Variants in SH2B1 observed in about 807,000 individuals in gnomAD.
SH2B1 encodes SH2B adapter protein 1.
Under a neutral mutation model 62.6 loss-of-function variants are expected in SH2B1, and 15 were observed. The observed-to-expected ratio is 0.24, with a 90% CI of 0.16 to 0.37. The LOEUF is 0.37. Among genes scored for constraint, SH2B1 ranks in the 10% least tolerant of loss-of-function variants. The pLI is 1.00. For missense variants in SH2B1, 925 were observed against 1,015.6 expected, an observed-to-expected ratio of 0.91 and a Z score of 1.21; for synonymous variants, 443 against 438.0, an observed-to-expected ratio of 1.01 and a Z score of -0.14.
At position 28,865,804 on chromosome 16, in the gene SH2B1, C is replaced by T. The variant is rs1311890856; in HGVS notation, c.-291C>T. 2.7e-5 allele frequency: 32 copies of T among 1,197,446 alleles called. No homozygotes were observed. The highest frequency in any genetic ancestry group is 6.7e-5 in the South Asian group (2 of 29,770). 74.2% of individuals were successfully genotyped at this position (1,197,446 alleles called of 1,614,324 possible). ...AAAGTGGGGGCAAATGTGGCAGGCT[C>T]GGGGCAGGTTAGACGCTGGGGAGCC... On this transcript the variant is annotated 5_prime_UTR_variant, in exon 1 of 8. Transcript: ENST00000684370.
At chr16:28,853,775 G>A (rs534364835) in intron 1 of SH2B1, among the ~76,000 whole-genome samples, 4 of 151,054 alleles carry the variant, frequency 2.6e-5, no homozygotes, top group South Asian at 2.1e-4. Flanking sequence ...CAAGGCGGGC[G>A]GATCACAAGG....
rs1014446275 is a variant in SH2B1, at chr16:28,874,028, A to G, written c.*208A>G. 2 of 427,412 alleles carry G rather than the reference A, an allele frequency of 4.7e-6. No individual in the cohort carries two copies. Among genetic ancestry groups the G allele is most frequent in the Admixed American group, 4.4e-5 (1 of 22,586 alleles). 26.5% of individuals were successfully genotyped at this position (427,412 alleles called of 1,614,324 possible). On this transcript the variant is annotated 3_prime_UTR_variant, in exon 8 of 8. Transcript: ENST00000684370. ...CCCCAGGGCAGGGGATTTGGGCTCC[A>G]TGAGCTCCTTGAGGGGCTCTTCTGG...
chr16:28,854,438 T>A (rs1412673923), intron 1 of SH2B1, among the ~76,000 whole-genome samples: 1 of 152,034 alleles, frequency 6.6e-6, no homozygotes, highest in African/African-American at 2.4e-5. Flanking sequence ...GTGAATTATA[T>A]CTCAATAAAG....
rs1962292005 is a variant in SH2B1, at chr16:28,855,208, A to G, written c.-300-6410A>G. On this transcript the variant is annotated intron_variant, in intron 1 of 10. Coordinates refer to the SH2B1 transcript ENST00000322610. ...GGCCCCCCACTTTCGTTTTGCAAAC[A>G]TTCCATGATTGTTTCTTTTTTTAAT... Among the ~76,000 whole-genome samples the G allele has an allele frequency of 2.0e-5, 3 of 151,048 alleles. No individual in the cohort carries two copies. The South Asian group carries it at 6.3e-4, about 32-fold the overall frequency.
At chr16:28,855,394 T>C (rs1327241865) in intron 1 of SH2B1, among the ~76,000 whole-genome samples, 1 of 151,592 alleles carries the variant, frequency 6.6e-6, no homozygotes, top group Non-Finnish European at 1.5e-5. Flanking sequence ...TAATTTTTTA[T>C]TTTTAGTAAA....
rs769174785 is a variant in SH2B1 at position 28,866,738 on chromosome 16, G to C, written c.644G>C (p.Ser215Thr). Residue 215 changes from serine to threonine, a missense_variant, in exon 1 of 8, where the codon AGT becomes ACT. Physicochemically the swap from Ser to Thr is moderately conservative, Grantham distance 58. Transcript: ENST00000684370. This position sits in a 1 kb window ranked among gnomAD's most constrained non-coding sequence, Gnocchi z 6.3. ...GGGACCGTTGGTAGGGGACTGGTCA[G>C]TGATGGAACGTCCCCTGGGGAAAGA... The part of the protein sequence containing the change: ...GAGTVGRGLV[S>T]DGTSPGERWT... The C allele has an allele frequency of 6.3e-7, 1 of 1,580,012 alleles. No homozygotes were observed. Among genetic ancestry groups the C allele is most frequent in the African/African-American group, 1.4e-5 (1 of 74,032 alleles).
chr16:28,874,030 G>T lies in SH2B1; in HGVS notation c.*210G>T. ...CCAGGGCAGGGGATTTGGGCTCCAT[G>T]AGCTCCTTGAGGGGCTCTTCTGGTC... is the stretch of plus-strand genomic sequence containing the variant. On this transcript the variant is annotated 3_prime_UTR_variant, in exon 8 of 8. Coordinates refer to ENST00000684370, the MANE Select transcript of SH2B1 (RefSeq NM_001387430.1). 2.4e-6 allele frequency: 1 copy of T among 422,590 alleles called. No individual in the cohort carries two copies. The highest frequency in any genetic ancestry group is 3.6e-5 in the East Asian group (1 of 27,714). 26.2% of individuals were successfully genotyped at this position (422,590 alleles called of 1,614,324 possible). A position where few individuals can be genotyped will look rare whatever the true frequency, so the allele number is the denominator to read the frequency against.
At chr16:28,852,455 T>A (rs1300531636) in intron 1 of SH2B1, among the ~76,000 whole-genome samples, 1 of 95,772 alleles carries the variant, frequency 1.0e-5, no homozygotes, top group Non-Finnish European at 1.8e-5. Context: ...TATTTACATA[T>A]ATATTTATAT....
rs777641657 is a variant in SH2B1 at position 28,866,440 on chromosome 16, C to G, written c.346C>G (p.Pro116Ala). Residue 116 changes from proline to alanine, a missense_variant, in exon 1 of 8, where the codon CCC (proline) becomes GCC (alanine). Physicochemically the swap from Pro to Ala is conservative, Grantham distance 27 (BLOSUM62 -1). Coordinates refer to ENST00000684370, the MANE Select transcript of SH2B1 (RefSeq NM_001387430.1). The surrounding 1 kb of genome is among the most constrained non-coding windows in gnomAD (Gnocchi z 6.3). The stretch of plus-strand genomic sequence containing the variant: ...CCTTGAGAGCTGCAGGGTGGGTGGG[C>G]CCCTGGCTGTGCTGGGCCCTTCTCG... Reference protein sequence around the residue: ...LSLESCRVGGPLAVLGPSRSS... With the variant: ...LSLESCRVGGALAVLGPSRSS... 27 of 1,613,798 alleles carry G rather than the reference C, an allele frequency of 1.7e-5. No individual in the cohort carries two copies. The highest frequency in any genetic ancestry group is 1.7e-5 in the Non-Finnish European group (20 of 1,180,016).
At chr16:28,867,568 A>C in intron 2 of SH2B1, 136 bp downstream of exon 2, 1 of 676,358 alleles carries the variant, frequency 1.5e-6, no homozygotes, top group South Asian at 1.7e-5. Context: ...CTGGGGCTGC[A>C]GCTTTTCTGG....
At position 28,873,912 on chromosome 16, in the gene SH2B1, C is replaced by A; in HGVS notation, c.*92C>A. The A allele has an allele frequency of 7.9e-7, 1 of 1,259,838 alleles. No homozygotes were observed. Among genetic ancestry groups the A allele is most frequent in the Non-Finnish European group, 1.0e-6 (1 of 980,858 alleles). 78.0% of individuals were successfully genotyped at this position (1,259,838 alleles called of 1,614,324 possible). The stretch of plus-strand genomic sequence containing the variant: ...GACAGAGGAGGCCGAAATCCCTCCC[C>A]CATGCTTCCTGACCCTTGTTGGCCA... On this transcript the variant is annotated 3_prime_UTR_variant, in exon 8 of 8. Transcript: ENST00000684370. This position sits in a 1 kb window ranked among gnomAD's most constrained non-coding sequence, Gnocchi z 4.2.
At chr16:28,850,808 G>A (rs1450603234) in intron 1 of SH2B1, among the ~76,000 whole-genome samples, 1 of 144,446 alleles carries the variant, frequency 6.9e-6, no homozygotes, top group Non-Finnish European at 1.5e-5. Context: ...GCAGTGAGCC[G>A]AGAGTGCGCC....
At chr16:28,867,117 T>C in intron 1 of SH2B1, 84 bp downstream of exon 1, 1 of 1,564,688 alleles carries the variant, frequency 6.4e-7, no homozygotes, top group Non-Finnish European at 8.7e-7. Flanking sequence ...AGCTCTGGGG[T>C]TTACCAGCCC....
In SH2B1 at chr16:28,872,917, CG is replaced by C. The variant is rs1297690386; in HGVS notation, c.1897+216del. 5 of 711,516 alleles carry C rather than the reference CG, an allele frequency of 7.0e-6. No homozygotes were observed. The highest frequency in any genetic ancestry group is 5.4e-5 in the East Asian group (2 of 37,036). The allele number at this position is 711,516 out of a possible 1,614,324, so 44.1% of individuals were successfully genotyped here. A position where few individuals can be genotyped will look rare whatever the true frequency, so the allele number is the denominator to read the frequency against. ...AAGGCAGAAGGCTCCTGGCCGGAGC[CG>C]GGGCGGCAGCTGAGAGGTGGGCGGG... On this transcript the variant is annotated intron_variant, in intron 7 of 7. Transcript: ENST00000684370. The surrounding 1 kb of genome is among the most constrained non-coding windows in gnomAD (Gnocchi z 5.3).
At chr16:28,852,723 TTTATATATATAC>T (rs1962178261) in intron 1 of SH2B1, among the ~76,000 whole-genome samples, 1 of 72,780 alleles carries the variant, frequency 1.4e-5, no homozygotes, top group African/African-American at 5.9e-5. Context: ...TACATATATA[TTTATATATATAC>T]ATATATATAT....
In SH2B1 at chr16:28,865,072, TA is replaced by T. The variant is rs1962611282; in HGVS notation, c.-1021del. ...CTGGTCTGACTCAAGTCCATGGCCTTAACCAGAAGGCTAACCTGCCTTTAGG... is the reference window on the plus strand; with the variant it reads ...CTGGTCTGACTCAAGTCCATGGCCTTACCAGAAGGCTAACCTGCCTTTAGG... On this transcript the variant is annotated 5_prime_UTR_variant, in exon 1 of 8. It introduces an in-frame stop codon into an upstream open reading frame of the 5' UTR. Coordinates refer to ENST00000684370, the MANE Select transcript of SH2B1 (RefSeq NM_001387430.1). The T allele has an allele frequency of 5.1e-6, 5 of 985,360 alleles. No homozygotes were observed. The highest frequency in any genetic ancestry group is 6.0e-6 in the Non-Finnish European group (5 of 829,910). The allele number at this position is 985,360 out of a possible 1,614,324, so 61.0% of individuals were successfully genotyped here.
intron 1 of SH2B1, among the ~76,000 whole-genome samples, chr16:28,848,668 C>CTTTT (rs745489496): frequency 2.7e-5 from 3 of 109,234 alleles, no homozygotes; most frequent in African/African-American, 4.1e-5. Flanking sequence ...CCGCACTGTC[C>CTTTT]TTTTTTTTTT....
rs1483247835 is a variant in SH2B1 at position 28,872,158 on chromosome 16, C to T, written c.1514-32C>T. 1.9e-6 allele frequency: 3 copies of T among 1,594,328 alleles called. No homozygotes were observed. The highest frequency in any genetic ancestry group is 1.7e-6 in the Non-Finnish European group (2 of 1,166,262). ...CAGGATGGGGGAGGCTGCCCTGACACCCCGGTTTCCCTCCCTCTCTCCTTC... is the reference window on the plus strand; with the variant it reads ...CAGGATGGGGGAGGCTGCCCTGACATCCCGGTTTCCCTCCCTCTCTCCTTC... On this transcript the variant is annotated intron_variant, in intron 5 of 7. Coordinates refer to ENST00000684370, the MANE Select transcript of SH2B1 (RefSeq NM_001387430.1). The surrounding 1 kb of genome is among the most constrained non-coding windows in gnomAD (Gnocchi z 5.3).
In SH2B1 at chr16:28,873,366, G is replaced by C. The variant is rs1419739881; in HGVS notation, c.1898-81G>C. 6.3e-7 allele frequency: 1 copy of C among 1,582,358 alleles called. No homozygotes were observed. Reference sequence around the variant, plus strand: ...GATGTGGGGAGACAGCCACGCTCCTGGGGGGCTGAGTGAAGGGGAGGCCAC... The same window carrying C: ...GATGTGGGGAGACAGCCACGCTCCTCGGGGGCTGAGTGAAGGGGAGGCCAC... On this transcript the variant is annotated intron_variant, in intron 7 of 7. Coordinates refer to ENST00000684370, the MANE Select transcript of SH2B1 (RefSeq NM_001387430.1). This position sits in a 1 kb window ranked among gnomAD's most constrained non-coding sequence, Gnocchi z 4.2.
Sources: gnomAD v4.1 joint callset for allele counts (sites outside exome capture counted in the v4.1 genomes callset) on GRCh38, gnomAD v4.1.1 for gene constraint, Gnocchi (gnomAD v3.1) non-coding constraint, MANE v1.5 for transcripts, NCBI Gene and HGNC (gene_info 2026-07-23, HGNC 2026-07-21) for gene names.